The following SRGAP1 variants were observed in gnomAD, a reference collection of about 807,000 sequenced individuals.
SRGAP1 encodes SLIT-ROBO Rho GTPase activating protein 1.
Under a neutral mutation model 121.9 loss-of-function variants are expected in SRGAP1, and 43 were observed. The observed-to-expected ratio is 0.35, with a 90% confidence interval of 0.28 to 0.46. The LOEUF (loss-of-function observed/expected upper bound fraction) is 0.46. SRGAP1 is among the 20% of genes least tolerant of loss of function. The probability of loss-of-function intolerance (pLI) is 1.00; values close to 1 mark genes in which losing one functional copy is unlikely to be tolerated. For synonymous variants in SRGAP1, 447 were observed against 485.4 expected (o/e 0.92, Z 1.04); for missense variants, 1,102 against 1,350.9 (o/e 0.82, Z 2.89).
At chr12:64,091,990 A>T in intron 12 of SRGAP1, 3 of 1,338,040 alleles carry the variant, frequency 2.2e-6, no homozygotes, top group Non-Finnish European at 3.1e-6. Flanking sequence ...AGTCGTGCTC[A>T]TGCTTGGCTT....
chr12:64,142,219 TTAAG>T, intron 21 of SRGAP1, 72 bp from the exon 22 acceptor site: 24 of 1,501,444 alleles, frequency 1.6e-5, no homozygotes, highest in Admixed American at 2.0e-5. Flanking sequence ...TACTTTGAAA[TTAAG>T]TGTCTGGGTT....
chr12:63,942,851 A>T (rs888874125), intron 1 of SRGAP1, among the ~76,000 whole-genome samples: 5 of 152,248 alleles, frequency 3.3e-5, no homozygotes, highest in African/African-American at 9.6e-5. Flanking sequence ...AATGCTTAAC[A>T]TTAAAAGTGC....
intron 1 of SRGAP1, among the ~76,000 whole-genome samples, chr12:63,943,779 G>T (rs897916646): frequency 6.6e-6 from 1 of 152,168 alleles, no homozygotes; most frequent in Non-Finnish European, 1.5e-5. Context: ...TGGGCAGAGA[G>T]ATCTGGGCCA....
intron 1 of SRGAP1, among the ~76,000 whole-genome samples, chr12:63,902,265 A>G (rs192119788): frequency 3.6e-4 from 55 of 152,338 alleles, no homozygotes; most frequent in African/African-American, 1.3e-3. Flanking sequence ...AAGAGCCATG[A>G]AAAAGGCAAG....
chr12:64,025,819 G>A (rs1339487682), intron 4 of SRGAP1, among the ~76,000 whole-genome samples: 1 of 152,082 alleles, frequency 6.6e-6, no homozygotes, highest in Non-Finnish European at 1.5e-5. Context: ...TGGCCTTGAC[G>A]CACACTGACT....
intron 1 of SRGAP1, among the ~76,000 whole-genome samples, chr12:63,974,343 A>G (rs930999900): frequency 1.3e-5 from 2 of 152,184 alleles, no homozygotes; most frequent in Non-Finnish European, 2.9e-5. Flanking sequence ...GTTTTGTAGT[A>G]AGCTTTTATT....
intron 1 of SRGAP1, among the ~76,000 whole-genome samples, chr12:63,861,183 T>C (rs1378758303): frequency 6.6e-6 from 1 of 151,160 alleles, no homozygotes; most frequent in Non-Finnish European, 1.5e-5. Flanking sequence ...TGTAATTTTT[T>C]TTTTTTTTTA....
At chr12:64,070,414 G>A (rs1333789830) in intron 8 of SRGAP1, among the ~76,000 whole-genome samples, 2 of 152,122 alleles carry the variant, frequency 1.3e-5, no homozygotes, top group South Asian at 4.2e-4. Context: ...CAGACCATTT[G>A]TCCCAATATT....
intron 10 of SRGAP1, chr12:64,081,781 A>T (rs1214260044): frequency 6.8e-6 from 1 of 148,040 alleles, no homozygotes; most frequent in Non-Finnish European, 1.5e-5. Flanking sequence ...AATGGTTCTA[A>T]AAAAAAAAAG....
At chr12:64,031,433 A>T (rs1348658095) in intron 4 of SRGAP1, among the ~76,000 whole-genome samples, 1 of 152,130 alleles carries the variant, frequency 6.6e-6, no homozygotes, top group Non-Finnish European at 1.5e-5. Flanking sequence ...TAAAAATTTG[A>T]AATCATGGAT....
chr12:63,940,974 C>G (rs2031844998), intron 1 of SRGAP1, among the ~76,000 whole-genome samples: 1 of 152,128 alleles, frequency 6.6e-6, no homozygotes, highest in Non-Finnish European at 1.5e-5. Context: ...TAGATGAGAG[C>G]TGGGATTGTT....
At chr12:63,899,144 G>A (rs1038377164) in intron 1 of SRGAP1, among the ~76,000 whole-genome samples, 1 of 152,134 alleles carries the variant, frequency 6.6e-6, no homozygotes, top group Non-Finnish European at 1.5e-5. Flanking sequence ...CACTTTGGGA[G>A]GCAGAGGTGG....
chr12:63,922,470 C>T (rs2031097903), intron 1 of SRGAP1, among the ~76,000 whole-genome samples: 1 of 152,206 alleles, frequency 6.6e-6, no homozygotes, highest in African/African-American at 2.4e-5. Flanking sequence ...TGAAGTTTCT[C>T]TTTACTTAGC....
At chr12:64,083,312 C>T (rs916577314) in intron 10 of SRGAP1, among the ~76,000 whole-genome samples, 1 of 152,202 alleles carries the variant, frequency 6.6e-6, no homozygotes, top group African/African-American at 2.4e-5. Flanking sequence ...CAAAAACTGC[C>T]TTCATAGTAA....
In SRGAP1 at chr12:64,142,410, C is replaced by T. The variant is rs2136655541; in HGVS notation, c.2996C>T (p.Ser999Phe). 6.2e-7 allele frequency: 1 copy of T among 1,614,118 alleles called. No individual in the cohort carries two copies. Among genetic ancestry groups the T allele is most frequent in the Non-Finnish European group, 8.5e-7 (1 of 1,180,024 alleles). Residue 999 changes from serine to phenylalanine, a missense_variant, in exon 22 of 22, where the codon TCT becomes TTT. Transcript: ENST00000355086. ...GATACCCTGGAGCAAGTGAAAAACT[C>T]TCCCACCCCTGCCACTTCCACGGAA... is the stretch of plus-strand genomic sequence containing the variant. Reference protein sequence around the residue: ...VLDTLEQVKNSPTPATSTESL... With the variant: ...VLDTLEQVKNFPTPATSTESL...
At chr12:64,052,327 G>A (rs899411326) in intron 6 of SRGAP1, among the ~76,000 whole-genome samples, 4 of 152,130 alleles carry the variant, frequency 2.6e-5, no homozygotes, top group African/African-American at 7.2e-5. Context: ...GCTGAGGCAG[G>A]CAGATCACCT....
At chr12:63,910,359 T>C (rs2030434386) in intron 1 of SRGAP1, among the ~76,000 whole-genome samples, 2 of 152,226 alleles carry the variant, frequency 1.3e-5, no homozygotes, top group Non-Finnish European at 2.9e-5. Flanking sequence ...TCACTAAATA[T>C]GCCTATACCT....
At chr12:63,897,680 G>A (rs1340178758) in intron 1 of SRGAP1, among the ~76,000 whole-genome samples, 2 of 152,164 alleles carry the variant, frequency 1.3e-5, no homozygotes, top group Non-Finnish European at 2.9e-5. Context: ...TATTAAAATT[G>A]TGGTGCCTCT....
At chr12:63,885,260 A>C (rs878937352) in intron 1 of SRGAP1, among the ~76,000 whole-genome samples, 1 of 152,112 alleles carries the variant, frequency 6.6e-6, no homozygotes, top group Non-Finnish European at 1.5e-5. Flanking sequence ...TTTTGGTTCA[A>C]TTAATTTGCT....
Sources: gnomAD v4.1 joint callset for allele counts (sites outside exome capture counted in the v4.1 genomes callset) on GRCh38, gnomAD v4.1.1 for gene constraint, MANE v1.5 for transcripts, NCBI Gene and HGNC (gene_info 2026-07-23, HGNC 2026-07-21) for gene names.